The following CD44 variants were observed in gnomAD, a reference collection of about 807,000 sequenced individuals.
CD44 encodes the protein CD44 antigen.
CD44 carries 49 observed loss-of-function variants against 88.8 expected under a neutral mutation model. That is an observed-to-expected ratio of 0.55 (90% CI 0.44 to 0.70). CD44 has a LOEUF of 0.70. Among genes scored for constraint, CD44 ranks in the 30% least tolerant of loss-of-function variants. CD44 has a pLI of 0.00. For missense variants in CD44, 883 were observed against 913.8 expected (o/e 0.97, Z 0.43); for synonymous variants, 325 against 312.3 (o/e 1.04, Z -0.43).
chr11:35,172,805 G>A (rs1460582674), intron 1 of CD44, among the ~76,000 whole-genome samples: 2 of 152,066 alleles, frequency 1.3e-5, no homozygotes, highest in Non-Finnish European at 2.9e-5. Flanking sequence ...CCTCAAACTA[G>A]ATCCTGTTCA....
At chr11:35,139,437 C>T in intron 1 of CD44, 67 bp downstream of exon 1, 1 of 1,423,788 alleles carries the variant, frequency 7.0e-7, no homozygotes, top group African/African-American at 1.4e-5. Flanking sequence ...CCGGCGGCAG[C>T]CCCTCCGGCT....
intron 11 of CD44, among the ~76,000 whole-genome samples, chr11:35,206,674 G>GGA: frequency 6.6e-6 from 1 of 151,968 alleles, no homozygotes; most frequent in East Asian, 1.9e-4. Flanking sequence ...GTTGGTGGGG[G>GGA]GGGCAGTTTT....
chr11:35,183,819 C>T (rs1945394643), intron 3 of CD44, among the ~76,000 whole-genome samples: 1 of 152,140 alleles, frequency 6.6e-6, no homozygotes, highest in Non-Finnish European at 1.5e-5. Context: ...GCCTCATTTT[C>T]TTTTGAGGGT....
intron 5 of CD44, 82 bp downstream of exon 5, chr11:35,190,147 C>A (rs1374094576): frequency 1.7e-6 from 2 of 1,208,582 alleles, no homozygotes; most frequent in Non-Finnish European, 2.4e-6. Context: ...TGCACACTCA[C>A]GTGCTGATTT....
At position 35,157,454 on chromosome 11, in the gene CD44, T is replaced by C. The variant is rs113370225; in HGVS notation, c.67+18084T>C. Among the ~76,000 whole-genome samples the C allele has an allele frequency of 6.1e-3, 924 of 152,324 alleles. 6 individuals are homozygous for C. The highest frequency in any genetic ancestry group is 0.021 in the African/African-American group (888 of 41,552). Reference sequence around the variant, plus strand: ...AATTATCTCTATCTTTATCTATTTATATCTATCATCTATCTGCCATATATC... The same window carrying C: ...AATTATCTCTATCTTTATCTATTTACATCTATCATCTATCTGCCATATATC... On this transcript the variant is annotated intron_variant, in intron 1 of 17. Transcript: ENST00000428726.
At chr11:35,213,431 A>G (rs943254854) in intron 14 of CD44, among the ~76,000 whole-genome samples, 5 of 152,170 alleles carry the variant, frequency 3.3e-5, no homozygotes, top group Non-Finnish European at 5.9e-5. Context: ...CAAGCGGATC[A>G]CTTGAGGTCA....
At chr11:35,189,077 A>G (rs924902978) in intron 4 of CD44, among the ~76,000 whole-genome samples, 1 of 152,250 alleles carries the variant, frequency 6.6e-6, no homozygotes, top group Non-Finnish European at 1.5e-5. Flanking sequence ...TGAGAGCAGC[A>G]AATACTTCTA....
At chr11:35,223,707 G>A (rs1397498536) in intron 17 of CD44, among the ~76,000 whole-genome samples, 2 of 152,178 alleles carry the variant, frequency 1.3e-5, no homozygotes, top group Non-Finnish European at 2.9e-5. Context: ...TTTGATAATT[G>A]AAAACAGATT....
intron 16 of CD44, among the ~76,000 whole-genome samples, chr11:35,220,069 T>G (rs1247772699): frequency 6.6e-6 from 1 of 152,224 alleles, no homozygotes; most frequent in Non-Finnish European, 1.5e-5. Context: ...AGGTTGTAAA[T>G]TACCCTTTTA....
chr11:35,173,249 C>T (rs963855215), intron 1 of CD44, among the ~76,000 whole-genome samples: 3 of 152,184 alleles, frequency 2.0e-5, no homozygotes, highest in Admixed American at 1.3e-4. Flanking sequence ...CCCTATCAGC[C>T]TTATCTTCAA....
Position 35,154,473 on chromosome 11 carries a change from A to G in CD44, c.67+15103A>G, listed in dbSNP as rs1466194023. Reference sequence around the variant, plus strand: ...TTGTGCTGACAAAACAAAAACAAAAACATCATTTAAGATGCCTTCAGATGC... The same window carrying G: ...TTGTGCTGACAAAACAAAAACAAAAGCATCATTTAAGATGCCTTCAGATGC... On this transcript the variant is annotated intron_variant, in intron 1 of 17. Transcript: ENST00000428726. 2.0e-5 allele frequency among the ~76,000 whole-genome samples: 3 copies of G among 152,220 alleles called. No individual in the cohort carries two copies. In the East Asian group the frequency reaches 5.8e-4, roughly 29 times the overall value.
Position 35,229,210 on chromosome 11 carries a change from G to A in CD44, c.2106G>A (p.Glu702=), listed in dbSNP as rs1422970234. 6.2e-7 allele frequency: 1 copy of A among 1,614,104 alleles called. No homozygotes were observed. The highest frequency in any genetic ancestry group is 8.5e-7 in the Non-Finnish European group (1 of 1,179,956). ...EDRKPSGLNG[E]ASKSQEMVHL... The stretch of plus-strand genomic sequence containing the variant: ...GAAAGCCAAGTGGACTCAACGGAGA[G>A]GCCAGCAAGTCTCAGGAAATGGTGC... Residue 702 remains glutamate, a synonymous_variant, in exon 18 of 18, where the codon GAG becomes GAA. Coordinates refer to ENST00000428726, the MANE Select transcript of CD44 (RefSeq NM_000610.4).
At chr11:35,228,822 T>G (rs1410127143) in intron 17 of CD44, among the ~76,000 whole-genome samples, 2 of 152,198 alleles carry the variant, frequency 1.3e-5, no homozygotes, top group East Asian at 3.8e-4. Flanking sequence ...GGGCTCCAAC[T>G]CTAGAGTTTT....
chr11:35,211,170 T>C (rs1948354133), intron 13 of CD44, 76 bp from the exon 14 acceptor site: 1 of 1,090,932 alleles, frequency 9.2e-7, no homozygotes, highest in East Asian at 2.4e-5. Flanking sequence ...GCAGCAATTG[T>C]GTGTTCTGGA....
intron 9 of CD44, 24 bp downstream of exon 9, chr11:35,201,811 TTC>T: frequency 6.2e-7 from 1 of 1,612,084 alleles, no homozygotes; most frequent in Non-Finnish European, 8.5e-7. Flanking sequence ...CGGTCGGCAG[TTC>T]TGGGTTAGAT....
At chr11:35,222,781 C>T (rs1028837677) in intron 17 of CD44, 2 of 984,294 alleles carry the variant, frequency 2.0e-6, no homozygotes, top group Non-Finnish European at 2.4e-6. Flanking sequence ...GAATATTAAG[C>T]CTTTTGTAAA....
rs77620447 is a variant in CD44 at position 35,200,358 on chromosome 11, G to A, written c.923-724G>A. On this transcript the variant is annotated intron_variant, in intron 7 of 17. Transcript: ENST00000428726. ...ATTGGGTGACAATATCAGGGTGCTG[G>A]TGGATGTACGCCTCTTTCTTTCCAG... 2.0e-3 allele frequency among the ~76,000 whole-genome samples: 307 copies of A among 152,246 alleles called. 9 individuals are homozygous for A. The East Asian group carries it at 0.055, about 27-fold the overall frequency.
chr11:35,152,912 C>T (rs560695455), intron 1 of CD44, among the ~76,000 whole-genome samples: 3 of 152,276 alleles, frequency 2.0e-5, no homozygotes, highest in Admixed American at 6.5e-5. Context: ...CTAGTGCTGA[C>T]GGGACAGCTT....
chr11:35,214,818 A>T (rs1250324813), intron 14 of CD44, 34 bp from the exon 15 acceptor site: 1 of 1,306,044 alleles, frequency 7.7e-7, no homozygotes, highest in African/African-American at 1.5e-5. Flanking sequence ...AAGTGAAAAC[A>T]TGCAGTACTG....
Sources: gnomAD v4.1 joint callset for allele counts (sites outside exome capture counted in the v4.1 genomes callset) on GRCh38, gnomAD v4.1.1 for gene constraint, MANE v1.5 for transcripts, NCBI Gene and HGNC (gene_info 2026-07-23, HGNC 2026-07-21) for gene names.